SYN1: variants seen among roughly 807,000 people sequenced by gnomAD.
SYN1 encodes the protein synapsin-1.
SYN1 carries 8 observed loss-of-function variants against 44.6 expected under a neutral mutation model. The observed-to-expected ratio is 0.18, with a 90% confidence interval of 0.11 to 0.32. SYN1 has a LOEUF of 0.32. Ranked by LOEUF, SYN1 falls within the 10% of genes least tolerant of loss-of-function variation. The pLI, the probability that SYN1 is intolerant of heterozygous loss-of-function variation, is 1.00. For missense variants in SYN1, 451 were observed against 639.4 expected, an observed-to-expected ratio of 0.71 and a Z score of 3.18; for synonymous variants, 275 against 280.1, an observed-to-expected ratio of 0.98 and a Z score of 0.18.
At chrX:47,614,552 A>C (rs979014860) in intron 1 of SYN1, among the ~76,000 whole-genome samples, 1 of 112,298 alleles carries the variant, frequency 8.9e-6, no homozygotes, top group Admixed American at 9.4e-5. Flanking sequence ...AAGACCGATT[A>C]GAATTCTGGA....
chrX:47,609,436 G>A (rs904980829), intron 1 of SYN1, among the ~76,000 whole-genome samples: 2 of 112,191 alleles, frequency 1.8e-5, no homozygotes, highest in Non-Finnish European at 3.8e-5. Context: ...GAGCAGCGGA[G>A]GCCCCTAAGG....
rs1194263952 is a variant in SYN1, at chrX:47,600,982, TAGAA to T, written c.774+3992_774+3995del. Among the ~76,000 whole-genome samples the T allele has an allele frequency of 2.7e-5, 3 of 111,471 alleles. No individual in the cohort carries two copies. In the East Asian group the frequency reaches 8.3e-4, roughly 31 times the overall value. ...AATCTTCCATTTTTTTCTAGGAAAT[TAGAA>T]AGAAAAGAGCAAACTAAGTCCAAAG... On this transcript the variant is annotated intron_variant, in intron 5 of 12. Coordinates refer to ENST00000295987, the MANE Select transcript of SYN1 (RefSeq NM_006950.3).
chrX:47,579,905 C>T (rs1189881217), intron 5 of SYN1, among the ~76,000 whole-genome samples: 4 of 90,888 alleles, frequency 4.4e-5, no homozygotes, highest in African/African-American at 1.6e-4. Context: ...ATTCTCATTC[C>T]TGGGTAGGTC....
At chrX:47,604,742 A>G (rs1338146153) in intron 5 of SYN1, 3 of 410,990 alleles carry the variant, frequency 7.3e-6, no homozygotes, top group Non-Finnish European at 1.3e-5. Flanking sequence ...AATACTGGCA[A>G]AAATAGACAA....
chrX:47,575,023 G>C, intron 10 of SYN1, 105 bp downstream of exon 10: 1 of 1,059,265 alleles, frequency 9.4e-7, no homozygotes, highest in Non-Finnish European at 1.3e-6. Context: ...TGTGTGCAAA[G>C]GTGATGCTGT....
chrX:47,588,088 CG>C (rs1200567863), intron 5 of SYN1, among the ~76,000 whole-genome samples: 5 of 112,183 alleles, frequency 4.5e-5, no homozygotes, highest in Non-Finnish European at 7.5e-5. Context: ...AATTATGTCC[CG>C]GATGGGAATG....
chrX:47,603,909 T>A (rs2313093), intron 5 of SYN1, among the ~76,000 whole-genome samples: 16,551 of 85,734 alleles, frequency 0.19, 1,453 homozygotes, highest in East Asian at 0.27. Context: ...TATATATATT[T>A]TTTTTTTTTT....
chrX:47,586,285 C>A, intron 5 of SYN1: 1 of 754,497 alleles, frequency 1.3e-6, no homozygotes, highest in Non-Finnish European at 1.6e-6. Context: ...GCCTGACTGA[C>A]CCCCAGGGCC....
rs2057777813 is a variant in SYN1, at chrX:47,576,401, G to T, written c.986C>A (p.Thr329Lys). The T allele has an allele frequency of 8.3e-7, 1 of 1,211,943 alleles. No homozygotes were observed. The change falls in exon 8 of 13, where the codon ACG becomes AAG. Residue 329 changes from threonine (T) to lysine (K), a missense_variant. Physicochemically the swap from Thr to Lys is moderately conservative, Grantham distance 78. Transcript: ENST00000295987. ...GGTCTTCCAGTTCCCTGACACTGAC[G>T]TCCTCCTGGGGGACAAGGGGACAGA... ...IGQNYKAYMR[T>K]SVSGNWKTNT...
At chrX:47,597,692 A>G (rs1341870225) in intron 5 of SYN1, among the ~76,000 whole-genome samples, 3 of 112,074 alleles carry the variant, frequency 2.7e-5, no homozygotes, top group Non-Finnish European at 5.6e-5. Context: ...CAAGAAGTGC[A>G]CTGAACTCCA....
intron 1 of SYN1, among the ~76,000 whole-genome samples, chrX:47,608,291 G>GAAGGGGAAGGAAGGAAGGGGAA (rs754915221): frequency 3.5e-5 from 1 of 28,172 alleles, no homozygotes; most frequent in Non-Finnish European, 6.3e-5. Flanking sequence ...AGGAAGGAAG[G>GAAGGGGAAGGAAGGAAGGGGAA]GGAAGGAAGG....
At chrX:47,590,137 C>T (rs2057842972) in intron 5 of SYN1, 1 of 111,247 alleles carries the variant, frequency 9.0e-6, no homozygotes, top group African/African-American at 3.3e-5. Flanking sequence ...GTCCCAGTGT[C>T]CCTCTCTCTT....
At chrX:47,589,867 A>ACT (rs2057842011) in intron 5 of SYN1, 1 of 110,299 alleles carries the variant, frequency 9.1e-6, no homozygotes, top group Admixed American at 9.7e-5. Context: ...TATGATAACT[A>ACT]TAACTTATAA....
At chrX:47,578,236 G>C (rs2057784275) in intron 5 of SYN1, among the ~76,000 whole-genome samples, 1 of 110,132 alleles carries the variant, frequency 9.1e-6, no homozygotes, top group African/African-American at 3.3e-5. Context: ...ACCATCAGGG[G>C]AACACACACA....
rs2147912062 is a variant in SYN1 at position 47,574,133 on chromosome X, G to T, written c.1851C>A (p.Thr617=). 2 of 1,093,854 alleles carry T rather than the reference G, an allele frequency of 1.8e-6. No homozygotes were observed. Among genetic ancestry groups the T allele is most frequent in the Non-Finnish European group, 2.4e-6 (2 of 843,171 alleles). The allele number at this position is 1,093,854 out of a possible 1,213,427, so 90.1% of individuals were successfully genotyped here. ...GGCCGCTGGGCCGAGGCTGCTGCGT[G>T]GTGGGTGGCCCAGTGCGGGGCACGG... ...AGPVPRTGPP[T]TQQPRPSGPG... The change falls in exon 12 of 13, where the codon ACC becomes ACA. Residue 617 remains threonine, a synonymous_variant. Transcript: ENST00000295987.
chrX:47,590,796 ACTT>A (rs1213586632), intron 5 of SYN1, among the ~76,000 whole-genome samples: 5 of 111,349 alleles, frequency 4.5e-5, no homozygotes, highest in Middle Eastern at 9.4e-3. Flanking sequence ...TTGCTCCCCT[ACTT>A]CTTCTTCCTA....
intron 5 of SYN1, among the ~76,000 whole-genome samples, chrX:47,597,673 C>G (rs1231630846): frequency 8.9e-6 from 1 of 111,756 alleles, no homozygotes; most frequent in Non-Finnish European, 1.9e-5. Flanking sequence ...AAGCATTAAT[C>G]TATGCATTCA....
intron 5 of SYN1, among the ~76,000 whole-genome samples, chrX:47,600,134 T>C (rs940531747): frequency 9.0e-6 from 1 of 111,193 alleles, no homozygotes; most frequent in African/African-American, 3.3e-5. Flanking sequence ...TCAACAATTA[T>C]AGCTGAAGAC....
chrX:47,617,834 G>C (rs1049228721), intron 1 of SYN1, among the ~76,000 whole-genome samples: 5 of 111,828 alleles, frequency 4.5e-5, no homozygotes, highest in African/African-American at 1.6e-4. Flanking sequence ...GATTAAAATG[G>C]AGCACATGAC....
Sources: allele counts gnomAD v4.1 joint callset (sites outside exome capture counted in the v4.1 genomes callset), GRCh38; gene constraint gnomAD v4.1.1; transcripts MANE v1.5; gene names NCBI Gene and HGNC (gene_info 2026-07-23, HGNC 2026-07-21).